Variants in UBE2E2 observed in about 807,000 individuals in gnomAD.
UBE2E2 encodes the protein ubiquitin-conjugating enzyme E2 E2.
Under a neutral mutation model 24.7 loss-of-function variants are expected in UBE2E2, and 6 were observed. That is an observed-to-expected ratio of 0.24 (90% CI 0.13 to 0.48). The LOEUF is 0.48. Among genes scored for constraint, UBE2E2 ranks in the 20% least tolerant of loss-of-function variants. UBE2E2 has a pLI of 0.99. For missense variants in UBE2E2, 169 were observed against 245.0 expected (o/e 0.69, Z 2.07); for synonymous variants, 104 against 83.6 (o/e 1.24, Z -1.33).
intron 3 of UBE2E2, among the ~76,000 whole-genome samples, chr3:23,468,578 T>C (rs563841549): frequency 1.3e-5 from 2 of 152,308 alleles, no homozygotes; most frequent in South Asian, 4.1e-4. Context: ...GAAGAGGAAA[T>C]ACACTAAATC....
At chr3:23,434,496 A>G (rs996397564) in intron 3 of UBE2E2, among the ~76,000 whole-genome samples, 10 of 152,110 alleles carry the variant, frequency 6.6e-5, no homozygotes, top group African/African-American at 2.4e-4. Flanking sequence ...TGATCACCCT[A>G]TGTGTGTCCA....
At chr3:23,541,902 G>GT (rs1695403932) in intron 5 of UBE2E2, among the ~76,000 whole-genome samples, 1 of 152,148 alleles carries the variant, frequency 6.6e-6, no homozygotes, top group African/African-American at 2.4e-5. Flanking sequence ...GACCACATGT[G>GT]TACTCCAGTG....
At chr3:23,327,855 C>CA (rs1276071066) in intron 3 of UBE2E2, among the ~76,000 whole-genome samples, 5 of 152,128 alleles carry the variant, frequency 3.3e-5, no homozygotes, top group Non-Finnish European at 5.9e-5. Context: ...TTAAGTTTTT[C>CA]AGGGTTCTGA....
At chr3:23,463,293 G>T (rs1698851068) in intron 3 of UBE2E2, among the ~76,000 whole-genome samples, 2 of 151,992 alleles carry the variant, frequency 1.3e-5, no homozygotes, top group Non-Finnish European at 2.9e-5. Flanking sequence ...CTGCACCCTA[G>T]GAATGTTTTT....
At chr3:23,323,921 A>G (rs1300555692) in intron 3 of UBE2E2, among the ~76,000 whole-genome samples, 1 of 152,154 alleles carries the variant, frequency 6.6e-6, no homozygotes, top group African/African-American at 2.4e-5. Context: ...AAAAGTTGTG[A>G]TATACCTCTT....
At chr3:23,410,721 A>G (rs1462466287) in intron 3 of UBE2E2, among the ~76,000 whole-genome samples, 3 of 152,184 alleles carry the variant, frequency 2.0e-5, no homozygotes, top group Non-Finnish European at 2.9e-5. Flanking sequence ...ATATATGTAA[A>G]TAAGGTAAAA....
intron 3 of UBE2E2, among the ~76,000 whole-genome samples, chr3:23,496,255 T>G (rs1185069832): frequency 6.6e-6 from 1 of 152,172 alleles, no homozygotes; most frequent in South Asian, 2.1e-4. Flanking sequence ...TTTCTTAATA[T>G]AAGAATTTGG....
intron 3 of UBE2E2, among the ~76,000 whole-genome samples, chr3:23,368,458 C>G (rs1396927672): frequency 6.6e-6 from 1 of 152,110 alleles, no homozygotes; most frequent in Non-Finnish European, 1.5e-5. Flanking sequence ...TTATAATGAT[C>G]AAGTTTGTGT....
intron 3 of UBE2E2, among the ~76,000 whole-genome samples, chr3:23,441,368 CAAA>C (rs752204801): frequency 9.1e-4 from 94 of 103,216 alleles, no homozygotes; most frequent in Non-Finnish European, 1.6e-3. Flanking sequence ...ACTAAAAATC[CAAA>C]AAAAAAAAAA....
intron 3 of UBE2E2, among the ~76,000 whole-genome samples, chr3:23,470,148 C>A (rs1410410543): frequency 6.6e-6 from 1 of 152,202 alleles, no homozygotes; most frequent in African/African-American, 2.4e-5. Context: ...TTAGGATCCA[C>A]CAGGAGGTCC....
chr3:23,562,430 T>C (rs963648770), intron 5 of UBE2E2, among the ~76,000 whole-genome samples: 8 of 152,234 alleles, frequency 5.3e-5, no homozygotes, highest in African/African-American at 7.2e-5. Context: ...CACTTGATCA[T>C]GGTGGATAAG....
rs116637961 is a variant in UBE2E2 at position 23,587,196 on chromosome 3, G to A, written c.509-2538G>A. On this transcript the variant is annotated intron_variant, in intron 5 of 5. Transcript: ENST00000396703. ...GCAAAAAAAAGTTTGCACAACGCAC[G>A]CTAATTGTTACCAGCACTCTAACTT... Among the ~76,000 whole-genome samples the A allele has an allele frequency of 9.4e-3, 1,427 of 152,288 alleles. 8 individuals are homozygous for A. Among genetic ancestry groups the A allele is most frequent in the Non-Finnish European group, 0.016 (1,067 of 68,020 alleles).
chr3:23,217,080 A>G (rs1495135), intron 2 of UBE2E2, among the ~76,000 whole-genome samples, 182 bp from the exon 3 acceptor site: 47,665 of 151,982 alleles, frequency 0.31, 7,784 homozygotes, highest in South Asian at 0.39. Context: ...CTTTAGATGC[A>G]TCCTCAAAAC....
chr3:23,551,929 T>G (rs754392928), intron 5 of UBE2E2, among the ~76,000 whole-genome samples: 2 of 152,170 alleles, frequency 1.3e-5, no homozygotes, highest in Non-Finnish European at 2.9e-5. Flanking sequence ...AACTAGGTCA[T>G]AAGGGTGGAA....
intron 3 of UBE2E2, among the ~76,000 whole-genome samples, chr3:23,223,918 C>T (rs375601533): frequency 6.6e-4 from 100 of 152,184 alleles, no homozygotes; most frequent in Middle Eastern, 3.4e-3. Context: ...TTTCCCATTG[C>T]GTGTTATTGA....
At chr3:23,330,066 G>C (rs1328433075) in intron 3 of UBE2E2, among the ~76,000 whole-genome samples, 2 of 152,312 alleles carry the variant, frequency 1.3e-5, no homozygotes, top group East Asian at 3.9e-4. Flanking sequence ...TTTTAGTACA[G>C]TAGGCATGGG....
chr3:23,391,690 G>C (rs75345904), intron 3 of UBE2E2, among the ~76,000 whole-genome samples: 4,394 of 152,048 alleles, frequency 0.029, 110 homozygotes, highest in East Asian at 0.13. Flanking sequence ...CATATTTTTG[G>C]CTTCTGAAAT....
At chr3:23,264,918 A>G (rs1698004991) in intron 3 of UBE2E2, among the ~76,000 whole-genome samples, 1 of 152,206 alleles carries the variant, frequency 6.6e-6, no homozygotes, top group Admixed American at 6.5e-5. Flanking sequence ...GAAATGCAGC[A>G]TAGAGATGCC....
chr3:23,245,195 G>GA (rs1697364438), intron 3 of UBE2E2, among the ~76,000 whole-genome samples: 1 of 151,980 alleles, frequency 6.6e-6, no homozygotes. Flanking sequence ...AGGGTCATAG[G>GA]AAAAAACTCC....
Sources: allele counts gnomAD v4.1 joint callset (sites outside exome capture counted in the v4.1 genomes callset), GRCh38; gene constraint gnomAD v4.1.1; transcripts MANE v1.5; gene names NCBI Gene and HGNC (gene_info 2026-07-23, HGNC 2026-07-21).